Variants in KYAT3 observed in about 807,000 individuals in gnomAD.
KYAT3 encodes the protein kynurenine--oxoglutarate transaminase 3.
A neutral mutation model predicts 59.0 loss-of-function variants in KYAT3; 50 were observed. The observed-to-expected ratio is 0.85, with a 90% confidence interval of 0.68 to 1.07. The LOEUF is 1.07. Among genes scored for constraint, KYAT3 ranks in the 50% least tolerant of loss-of-function variants. The pLI, the probability that KYAT3 is intolerant of heterozygous loss-of-function variation, is 0.00. For missense variants in KYAT3, 497 were observed against 533.3 expected, an observed-to-expected ratio of 0.93 and a Z score of 0.67; for synonymous variants, 148 against 177.0, an observed-to-expected ratio of 0.84 and a Z score of 1.30.
intron 9 of KYAT3, among the ~76,000 whole-genome samples, chr1:88,954,630 T>C (rs1675827814): frequency 6.6e-6 from 1 of 152,222 alleles, no homozygotes; most frequent in Non-Finnish European, 1.5e-5. Flanking sequence ...TAATTTTTCT[T>C]ATGTTTAAAG....
intron 2 of KYAT3, among the ~76,000 whole-genome samples, chr1:88,986,017 C>CA (rs1367992023): frequency 1.3e-5 from 2 of 151,818 alleles, no homozygotes; most frequent in African/African-American, 4.8e-5. Context: ...CCCGTCTCTA[C>CA]AAAAAATACA....
At chr1:88,971,876 A>C (rs541876758) in intron 2 of KYAT3, among the ~76,000 whole-genome samples, 6 of 152,328 alleles carry the variant, frequency 3.9e-5, no homozygotes, top group Admixed American at 6.5e-5. Flanking sequence ...ATCACTTAAA[A>C]GTGTCATATA....
chr1:88,960,707 C>A (rs183954457), intron 8 of KYAT3, among the ~76,000 whole-genome samples: 1 of 152,088 alleles, frequency 6.6e-6, no homozygotes, highest in Non-Finnish European at 1.5e-5. Context: ...GCAGACAGTA[C>A]GGCATTCATG....
Position 88,961,287 on chromosome 1 carries a change from C to T in KYAT3, c.667G>A (p.Val223Met), listed in dbSNP as rs750106480. 6.2e-7 allele frequency: 1 copy of T among 1,613,574 alleles called. No homozygotes were observed. ...ACTTGCAGTTCCTCTCTGTTATACA[C>T]CTACACATAATAAAGGAAAGAGCAC... ...LNTPHNPLGK[V>M]YNREELQVIA... The change falls in exon 8 of 14, where the codon GTG (valine) becomes ATG (methionine). Residue 223 changes from valine to methionine, a missense_variant and splice_region_variant. By Grantham distance (21) the Val-to-Met change is conservative. Around this residue, in one of 2 missense-constraint regions of KYAT3, gnomAD observed 469 missense variants for 479.1 expected, o/e 0.98. Transcript: ENST00000260508.
chr1:88,984,656 T>G (rs1329283792), intron 2 of KYAT3, among the ~76,000 whole-genome samples: 2 of 152,228 alleles, frequency 1.3e-5, no homozygotes, highest in South Asian at 2.1e-4. Context: ...CTCTGAGAGA[T>G]AATGTATTTG....
chr1:88,925,301 A>G, the KYAT3 span, among the ~76,000 whole-genome samples: 1 of 152,142 alleles, frequency 6.6e-6, no homozygotes, highest in Non-Finnish European at 1.5e-5. Flanking sequence ...GTGTGCCCCT[A>G]CCTTTCCCTC....
At chr1:88,969,907 C>T (rs1310703966) in intron 2 of KYAT3, among the ~76,000 whole-genome samples, 5 of 152,090 alleles carry the variant, frequency 3.3e-5, no homozygotes, top group Non-Finnish European at 5.9e-5. Context: ...ATCCTCCTAC[C>T]TTGGCCTCTC....
chr1:88,985,826 A>G (rs767690549), intron 2 of KYAT3, among the ~76,000 whole-genome samples: 1 of 152,220 alleles, frequency 6.6e-6, no homozygotes, highest in Non-Finnish European at 1.5e-5. Context: ...CTTTGCACTA[A>G]AGGAGGCAAA....
chr1:88,940,802 G>A lies in KYAT3; in HGVS notation c.1302+2203C>T, dbSNP rs568189939. On this transcript the variant is annotated intron_variant, in intron 13 of 13. Transcript: ENST00000260508. ...GATGACATGACTGTATGTTTTTGCC[G>A]TTTCCTCCATCATGCCAAACGGTCT... is the stretch of plus-strand genomic sequence containing the variant. 2.0e-4 allele frequency among the ~76,000 whole-genome samples: 30 copies of A among 152,194 alleles called. 2 individuals carry two copies. Among genetic ancestry groups the A allele is most frequent in the East Asian group, 1.7e-3 (9 of 5,150 alleles).
intron 2 of KYAT3, among the ~76,000 whole-genome samples, chr1:88,976,142 A>C (rs1295278376): frequency 8.6e-5 from 13 of 152,030 alleles, no homozygotes; most frequent in Non-Finnish European, 1.5e-5. Context: ...GCGGATCACA[A>C]GGTCAGGAGT....
intron 2 of KYAT3, among the ~76,000 whole-genome samples, chr1:88,985,949 G>A (rs920761589): frequency 1.3e-5 from 2 of 152,174 alleles, no homozygotes; most frequent in African/African-American, 4.8e-5. Context: ...GGGAGGCTGA[G>A]GAGGGTGGAT....
intron 2 of KYAT3, chr1:88,980,857 C>T (rs138132059): frequency 1.4e-4 from 22 of 152,292 alleles, no homozygotes; most frequent in African/African-American, 5.1e-4. Flanking sequence ...GTAACAACCA[C>T]ATAAATTTGG....
chr1:88,962,275 T>C, intron 5 of KYAT3, 130 bp from the exon 6 acceptor site: 1 of 688,242 alleles, frequency 1.5e-6, no homozygotes, highest in Admixed American at 2.6e-5. Flanking sequence ...GGCTTTGCCC[T>C]TGTGGAGCTA....
intron 2 of KYAT3, among the ~76,000 whole-genome samples, chr1:88,979,022 A>G (rs544242247): frequency 6.6e-6 from 1 of 152,186 alleles, no homozygotes; most frequent in Admixed American, 6.5e-5. Flanking sequence ...AGACAAGTGC[A>G]TAAGATGCCT....
chr1:88,983,261 CTA>C, intron 2 of KYAT3: 1 of 1,613,718 alleles, frequency 6.2e-7, no homozygotes, highest in Non-Finnish European at 8.5e-7. Flanking sequence ...ACCTCCATAA[CTA>C]TCTCTTCCAC....
chr1:88,931,880 CAAA>C (rs57089214), downstream of KYAT3, among the ~76,000 whole-genome samples: 8 of 30,976 alleles, frequency 2.6e-4, no homozygotes, highest in Non-Finnish European at 4.1e-4. Flanking sequence ...CCTGCAACTG[CAAA>C]AAAAAAAAAA....
In KYAT3 at chr1:88,947,402, C is replaced by T. The variant is rs1329432834; in HGVS notation, c.1141+1689G>A. 3.9e-5 allele frequency among the ~76,000 whole-genome samples: 6 copies of T among 152,334 alleles called. No individual in the cohort carries two copies. In the South Asian group the frequency reaches 1.0e-3, roughly 26 times the overall value. On this transcript the variant is annotated intron_variant, in intron 11 of 13. Coordinates refer to ENST00000260508, the MANE Select transcript of KYAT3 (RefSeq NM_001008661.3). ...CCCATTGGTCCCGGGAGGCCTGCTG[C>T]CTCTTCTGTGTCCCAACTGACCAAC...
rs1173546833 is a variant in KYAT3 at position 88,992,609 on chromosome 1, C to T, written c.-26G>A. ...CCTATCCGGTGCGGGAACCTCGCCT[C>T]CCTAGGCTCGAGTCCCGACTGGGCT... On this transcript the variant is annotated 5_prime_UTR_variant, in exon 1 of 14. Coordinates refer to ENST00000260508, the MANE Select transcript of KYAT3 (RefSeq NM_001008661.3). The T allele has an allele frequency of 6.5e-6, 1 of 152,942 alleles. No homozygotes were observed. The highest frequency in any genetic ancestry group is 2.4e-5 in the African/African-American group (1 of 41,476). 9.5% of individuals were successfully genotyped at this position (152,942 alleles called of 1,614,324 possible). A position where few individuals can be genotyped will look rare whatever the true frequency, so the allele number is the denominator to read the frequency against.
chr1:88,984,028 T>C, intron 2 of KYAT3: 3 of 491,512 alleles, frequency 6.1e-6, no homozygotes, highest in Non-Finnish European at 1.1e-5. Flanking sequence ...AATTACTTTC[T>C]TTTGCCACTA....
Sources: allele counts gnomAD v4.1 joint callset (sites outside exome capture counted in the v4.1 genomes callset), GRCh38; gene constraint gnomAD v4.1.1; regional missense constraint gnomAD v4.1.1; transcripts MANE v1.5; gene names NCBI Gene and HGNC (gene_info 2026-07-23, HGNC 2026-07-21).